MACROD2: variants seen among roughly 807,000 people sequenced by gnomAD.
MACROD2 encodes the protein ADP-ribose glycohydrolase MACROD2.
A neutral mutation model predicts 70.4 loss-of-function variants in MACROD2; 36 were observed. The observed-to-expected ratio is 0.51, with a 90% CI of 0.39 to 0.68. The LOEUF is 0.68. Among genes scored for constraint, MACROD2 ranks in the 30% least tolerant of loss-of-function variants. The probability of loss-of-function intolerance (pLI) is 0.00; values close to 1 mark genes in which losing one functional copy is unlikely to be tolerated. For missense variants in MACROD2, 496 were observed against 538.4 expected (o/e 0.92, Z 0.78); for synonymous variants, 172 against 178.8 (o/e 0.96, Z 0.30).
chr20:14,123,526 T>G (rs1019396629), intron 3 of MACROD2, among the ~76,000 whole-genome samples: 1 of 152,138 alleles, frequency 6.6e-6, no homozygotes, highest in African/African-American at 2.4e-5. Flanking sequence ...AATCTTGCAG[T>G]GCGGCATACC....
intron 6 of MACROD2, among the ~76,000 whole-genome samples, chr20:15,415,138 A>G (rs1490386268): frequency 1.3e-5 from 2 of 152,234 alleles, no homozygotes; most frequent in Non-Finnish European, 2.9e-5. Flanking sequence ...TTCTTCTAGA[A>G]AAACACTGAA....
intron 4 of MACROD2, among the ~76,000 whole-genome samples, chr20:14,500,097 A>G (rs1460223148): frequency 6.6e-6 from 1 of 152,244 alleles, no homozygotes; most frequent in African/African-American, 2.4e-5. Context: ...GCAGAAGGTC[A>G]TGATCTATTC....
chr20:14,054,106 C>T (rs1350397365), intron 2 of MACROD2, among the ~76,000 whole-genome samples: 1 of 150,604 alleles, frequency 6.6e-6, no homozygotes, highest in Non-Finnish European at 1.5e-5. Context: ...ATCTAAAGCA[C>T]TTATTGTAAT....
intron 4 of MACROD2, among the ~76,000 whole-genome samples, chr20:14,516,488 A>G (rs2085101236): frequency 6.6e-6 from 1 of 152,176 alleles, no homozygotes; most frequent in Admixed American, 6.6e-5. Context: ...ATAAGGTGTA[A>G]GGAAGAGGTC....
intron 5 of MACROD2, among the ~76,000 whole-genome samples, chr20:14,842,306 A>G (rs1265722103): frequency 1.3e-5 from 2 of 152,092 alleles, no homozygotes; most frequent in African/African-American, 2.4e-5. Flanking sequence ...ACCTCTCAAG[A>G]TCACAATGGC....
chr20:15,603,164 A>G (rs1002897841), intron 8 of MACROD2, among the ~76,000 whole-genome samples: 80 of 152,262 alleles, frequency 5.3e-4, no homozygotes, highest in African/African-American at 1.9e-3. Context: ...TGAAACACTC[A>G]TTAATTTTCT....
rs145198255 is a variant in MACROD2 at position 14,938,388 on chromosome 20, A to G, written c.418+253429A>G. ...TGTCTTTTTGATAACAGCCATTTTA[A>G]CTGGGGTGAGAGGATATCTCATTGT... On this transcript the variant is annotated intron_variant, in intron 5 of 17. Transcript: ENST00000684519. Among the ~76,000 whole-genome samples the G allele has an allele frequency of 7.1e-3, 1,080 of 152,172 alleles. 13 individuals carry two copies. Among genetic ancestry groups the G allele is most frequent in the African/African-American group, 0.024 (1,005 of 41,520 alleles).
chr20:14,732,066 AT>A (rs2071605312), intron 5 of MACROD2, among the ~76,000 whole-genome samples: 1 of 152,152 alleles, frequency 6.6e-6, no homozygotes, highest in Admixed American at 6.5e-5. Flanking sequence ...TAAGGTCTTA[AT>A]TTTTAAGAAT....
chr20:16,026,483 C>A (rs778746070), intron 15 of MACROD2, among the ~76,000 whole-genome samples: 16 of 152,218 alleles, frequency 1.1e-4, no homozygotes, highest in Admixed American at 9.2e-4. Flanking sequence ...GTTGACCAGG[C>A]AGGCCTGTGA....
chr20:14,227,731 T>A (rs1032338811), intron 3 of MACROD2, among the ~76,000 whole-genome samples: 2 of 152,246 alleles, frequency 1.3e-5, no homozygotes, highest in African/African-American at 4.8e-5. Context: ...TTACTTTTTT[T>A]AGGGTCTGCT....
intron 4 of MACROD2, among the ~76,000 whole-genome samples, chr20:14,667,207 G>A (rs1364641820): frequency 6.6e-6 from 1 of 152,030 alleles, no homozygotes; most frequent in African/African-American, 2.4e-5. Context: ...CATTCCCTGA[G>A]GTTGAAACTA....
chr20:14,310,500 T>C (rs1238496311), intron 3 of MACROD2, among the ~76,000 whole-genome samples: 1 of 152,212 alleles, frequency 6.6e-6, no homozygotes, highest in Admixed American at 6.5e-5. Flanking sequence ...GATGCTGGTG[T>C]AAACAAACCT....
chr20:15,294,930 C>A (rs542190768), intron 6 of MACROD2, among the ~76,000 whole-genome samples: 3 of 152,332 alleles, frequency 2.0e-5, no homozygotes, highest in East Asian at 1.9e-4. Flanking sequence ...TTCTAGACAT[C>A]GGATTGCTTA....
chr20:15,391,539 T>C (rs2045791937), intron 6 of MACROD2, among the ~76,000 whole-genome samples: 1 of 152,226 alleles, frequency 6.6e-6, no homozygotes, highest in Non-Finnish European at 1.5e-5. Flanking sequence ...AAGGAGTCCA[T>C]GTCTTATGGA....
intron 5 of MACROD2, among the ~76,000 whole-genome samples, chr20:15,174,988 G>C (rs567840494): frequency 1.3e-5 from 2 of 152,024 alleles, no homozygotes; most frequent in South Asian, 4.2e-4. Flanking sequence ...TTCTTTTGCT[G>C]TGCAGAAGCT....
intron 10 of MACROD2, among the ~76,000 whole-genome samples, chr20:15,888,591 A>AG (rs2064850560): frequency 6.6e-6 from 1 of 152,136 alleles, no homozygotes; most frequent in Admixed American, 6.6e-5. Context: ...AGAGTCCCCA[A>AG]GTTTGGAGTC....
At chr20:14,890,951 T>TTCCTTCCTTCC (rs2073748541) in intron 5 of MACROD2, among the ~76,000 whole-genome samples, 1 of 105,704 alleles carries the variant, frequency 9.5e-6, no homozygotes. Context: ...TCTTTCTCTT[T>TTCCTTCCTTCC]TTCCTTCCTT....
chr20:15,558,460 C>G (rs1288946886), intron 8 of MACROD2, among the ~76,000 whole-genome samples: 2 of 152,218 alleles, frequency 1.3e-5, no homozygotes, highest in East Asian at 3.8e-4. Flanking sequence ...TTGCACCAAC[C>G]TAATGCTTTG....
At chr20:14,141,322 A>T (rs1421681969) in intron 3 of MACROD2, among the ~76,000 whole-genome samples, 1 of 152,208 alleles carries the variant, frequency 6.6e-6, no homozygotes, top group Non-Finnish European at 1.5e-5. Context: ...GGTTAAAAGC[A>T]TAGGTTTTGG....
Sources: allele counts gnomAD v4.1 joint callset (sites outside exome capture counted in the v4.1 genomes callset), GRCh38; gene constraint gnomAD v4.1.1; transcripts MANE v1.5; gene names NCBI Gene and HGNC (gene_info 2026-07-23, HGNC 2026-07-21).